Variants in UGGT2 observed in about 807,000 individuals in gnomAD.
UGGT2 encodes the protein UDP-glucose:glycoprotein glucosyltransferase 2.
A neutral mutation model predicts 192.1 loss-of-function variants in UGGT2; 180 were observed. The observed-to-expected ratio is 0.94, with a 90% confidence interval of 0.83 to 1.06. The LOEUF (loss-of-function observed/expected upper bound fraction) is 1.06, where lower values mean the gene tolerates loss of function less well. Among genes scored for constraint, UGGT2 ranks in the 50% least tolerant of loss-of-function variants. UGGT2 has a pLI of 0.00. For missense variants in UGGT2, 1,849 were observed against 1,795.7 expected (o/e 1.03, Z -0.54); for synonymous variants, 580 against 591.0 (o/e 0.98, Z 0.27).
intron 5 of UGGT2, among the ~76,000 whole-genome samples, chr13:96,003,964 T>C (rs1318401287): frequency 1.3e-5 from 2 of 152,198 alleles, no homozygotes; most frequent in Non-Finnish European, 2.9e-5. Context: ...GACAGATTCC[T>C]CTAACAAATT....
At chr13:95,957,175 G>A (rs1482781882) in intron 12 of UGGT2, among the ~76,000 whole-genome samples, 4 of 152,226 alleles carry the variant, frequency 2.6e-5, no homozygotes, top group Non-Finnish European at 5.9e-5. Flanking sequence ...AGGAAGAAGG[G>A]TATGGGGATT....
chr13:95,847,628 C>T (rs1403375991), intron 36 of UGGT2, among the ~76,000 whole-genome samples: 1 of 152,142 alleles, frequency 6.6e-6, no homozygotes, highest in Non-Finnish European at 1.5e-5. Flanking sequence ...CTTTTCATGG[C>T]TTAATAGCTC....
chr13:95,801,814 T>C lies in UGGT2; in HGVS notation c.4529-2A>G. 6.2e-7 allele frequency: 1 copy of C among 1,613,840 alleles called. No homozygotes were observed. Among genetic ancestry groups the C allele is most frequent in the Non-Finnish European group, 8.5e-7 (1 of 1,179,832 alleles). On this transcript the variant is annotated splice_acceptor_variant, in intron 38 of 38. Transcript: ENST00000376747. LOFTEE classifies it high-confidence loss of function. ...GCTAGAGTTCATCATGTGTCAAAAC[T>C]ATAAGGGAGAAAAGTTTATTTAGCT...
chr13:95,867,699 T>A (rs2140115435), intron 29 of UGGT2, among the ~76,000 whole-genome samples: 1 of 152,250 alleles, frequency 6.6e-6, no homozygotes, highest in Middle Eastern at 3.4e-3. Flanking sequence ...AAATTATGGC[T>A]TATCTTTGCT....
chr13:95,961,765 T>A (rs1012919680), intron 12 of UGGT2, among the ~76,000 whole-genome samples: 1 of 152,144 alleles, frequency 6.6e-6, no homozygotes, highest in Non-Finnish European at 1.5e-5. Context: ...CAATATTTCA[T>A]CCAATAGCTA....
chr13:95,867,656 AAATTC>A (rs1197431920), intron 29 of UGGT2, among the ~76,000 whole-genome samples: 3 of 152,178 alleles, frequency 2.0e-5, no homozygotes, highest in Non-Finnish European at 1.5e-5. Context: ...GTAACTCATT[AAATTC>A]AATACTACCC....
chr13:96,044,023 T>C (rs1459865364), intron 1 of UGGT2, among the ~76,000 whole-genome samples: 2 of 152,130 alleles, frequency 1.3e-5, no homozygotes, highest in African/African-American at 4.8e-5. Context: ...ACTTAACAGA[T>C]ATTTACAGAA....
chr13:95,964,699 C>T (rs928509673), intron 12 of UGGT2, among the ~76,000 whole-genome samples: 20 of 152,234 alleles, frequency 1.3e-4, no homozygotes, highest in Middle Eastern at 3.4e-3. Context: ...GACTTCATGT[C>T]TAAAACACCA....
intron 5 of UGGT2, among the ~76,000 whole-genome samples, chr13:96,002,675 T>A (rs905367583): frequency 6.6e-6 from 1 of 152,208 alleles, no homozygotes; most frequent in Non-Finnish European, 1.5e-5. Flanking sequence ...TTTTCCACTT[T>A]TACTAAATAG....
intron 10 of UGGT2, 35 bp from the exon 11 acceptor site, chr13:95,972,706 T>G (rs756462118): frequency 1.3e-5 from 19 of 1,487,406 alleles, no homozygotes; most frequent in Non-Finnish European, 1.5e-5. Context: ...TAACCAGTGA[T>G]AGAACAATAG....
chr13:95,913,936 G>A (rs750670565), intron 20 of UGGT2, among the ~76,000 whole-genome samples: 16 of 152,074 alleles, frequency 1.1e-4, no homozygotes, highest in Admixed American at 2.0e-4. Flanking sequence ...GTCCTTTGCC[G>A]GGACATGGAT....
intron 38 of UGGT2, among the ~76,000 whole-genome samples, chr13:95,825,045 T>A (rs984284339): frequency 6.6e-6 from 1 of 152,266 alleles, no homozygotes; most frequent in African/African-American, 2.4e-5. Context: ...AATTCCTTGG[T>A]TGTGGAGAGT....
chr13:95,913,016 G>A (rs986740080), intron 20 of UGGT2, among the ~76,000 whole-genome samples: 6 of 152,176 alleles, frequency 3.9e-5, no homozygotes, highest in Non-Finnish European at 7.3e-5. Flanking sequence ...AAATGGTGCT[G>A]GGAAAACTGG....
chr13:95,880,076 G>T (rs1366068556), intron 27 of UGGT2, among the ~76,000 whole-genome samples: 2 of 152,210 alleles, frequency 1.3e-5, no homozygotes, highest in East Asian at 3.9e-4. Flanking sequence ...CCGGGTGTGT[G>T]ATGTTCCTTT....
At chr13:95,906,918 A>G (rs947155944) in intron 20 of UGGT2, among the ~76,000 whole-genome samples, 4 of 152,104 alleles carry the variant, frequency 2.6e-5, no homozygotes, top group Non-Finnish European at 5.9e-5. Context: ...GTTCATCTCA[A>G]TGGGACTGGT....
chr13:95,868,647 T>C (rs941436998), intron 29 of UGGT2, among the ~76,000 whole-genome samples: 2 of 152,114 alleles, frequency 1.3e-5, no homozygotes, highest in African/African-American at 4.8e-5. Flanking sequence ...ACCTGTATGG[T>C]AGAAACATTG....
chr13:95,924,227 AG>A (rs543714219), intron 20 of UGGT2, among the ~76,000 whole-genome samples: 6 of 152,090 alleles, frequency 3.9e-5, no homozygotes, highest in Non-Finnish European at 7.4e-5. Context: ...TGAAAGTTAT[AG>A]AAGAAGCAAC....
At chr13:95,950,595 GA>G (rs11452928) in intron 12 of UGGT2, among the ~76,000 whole-genome samples, 5 of 130,978 alleles carry the variant, frequency 3.8e-5, no homozygotes, top group African/African-American at 8.6e-5. Flanking sequence ...AATGAAACAG[GA>G]AAAAAAAAAA....
chr13:95,853,792 A>C, intron 35 of UGGT2, 135 bp from the exon 36 acceptor site: 1 of 550,484 alleles, frequency 1.8e-6, no homozygotes, highest in Non-Finnish European at 3.0e-6. Flanking sequence ...TCCTTTCATA[A>C]ATTTGCTCCT....
Sources: gnomAD v4.1 joint callset for allele counts (sites outside exome capture counted in the v4.1 genomes callset) on GRCh38, gnomAD v4.1.1 for gene constraint, MANE v1.5 for transcripts, NCBI Gene and HGNC (gene_info 2026-07-23, HGNC 2026-07-21) for gene names.